Variants in ERC2 observed in about 807,000 individuals in gnomAD.
ERC2 encodes the protein ELKS/RAB6-interacting/CAST family member 2.
A neutral mutation model predicts 114.8 loss-of-function variants in ERC2; 42 were observed. The observed-to-expected ratio is 0.37, with a 90% CI of 0.29 to 0.47. The LOEUF (loss-of-function observed/expected upper bound fraction) is 0.47. Among genes scored for constraint, ERC2 ranks in the 20% least tolerant of loss-of-function variants. ERC2 has a pLI of 0.99. For synonymous variants in ERC2, 454 were observed against 425.5 expected (o/e 1.07, Z -0.82); for missense variants, 939 against 1,150.7 (o/e 0.82, Z 2.66).
intron 17 of ERC2, among the ~76,000 whole-genome samples, chr3:55,564,760 C>T (rs1230920341): frequency 6.6e-6 from 1 of 152,248 alleles, no homozygotes; most frequent in East Asian, 1.9e-4. Context: ...GACCCATCCC[C>T]ATTCGTGTGG....
At position 55,918,613 on chromosome 3, in the gene ERC2, T is replaced by C. The variant is rs143501732; in HGVS notation, c.2404-30064A>G. The stretch of plus-strand genomic sequence containing the variant: ...ATGATGCACTGTGTGCATTTCAGAG[T>C]CAAAGCCTTAAAAGGCCTTGAAGCT... On this transcript the variant is annotated intron_variant, in intron 13 of 17. Transcript: ENST00000288221. 4.0e-3 allele frequency among the ~76,000 whole-genome samples: 601 copies of C among 151,414 alleles called. 3 individuals are homozygous for C. Among genetic ancestry groups the C allele is most frequent in the African/African-American group, 0.014 (568 of 41,216 alleles).
chr3:55,929,731 G>A (rs182199777), intron 13 of ERC2, among the ~76,000 whole-genome samples: 1 of 152,302 alleles, frequency 6.6e-6, no homozygotes, highest in Non-Finnish European at 1.5e-5. Context: ...CCCCCTTGCT[G>A]TTCTTGTGAT....
rs868725061 is a variant in ERC2, at chr3:55,720,200, T to C, written c.2712+14571A>G. Among the ~76,000 whole-genome samples, 46 of 9,414 alleles carry C rather than the reference T, an allele frequency of 4.9e-3. 21 individuals are homozygous for C. The highest frequency in any genetic ancestry group is 7.6e-3 in the Non-Finnish European group (36 of 4,764). 6.2% of individuals were successfully genotyped at this position (9,414 alleles called of 152,430 possible). On this transcript the variant is annotated intron_variant, in intron 15 of 17. Coordinates refer to ENST00000288221, the MANE Select transcript of ERC2 (RefSeq NM_015576.3). ...CTTCTTCTTCTTCTTCTTCTTCTTCTTCTTCTTCTTCTTCTTCTTCTTCTT... is the reference window on the plus strand; with the variant it reads ...CTTCTTCTTCTTCTTCTTCTTCTTCCTCTTCTTCTTCTTCTTCTTCTTCTT...
rs2059296330 is a variant in ERC2 at position 56,369,837 on chromosome 3, C to T, written c.657+64514G>A. On this transcript the variant is annotated intron_variant, in intron 2 of 17. Transcript: ENST00000288221. ...GACTACAGGTGCACGCCATCACGCC[C>T]GGCTAATTTTTGTATTTTTAGTAGA... Among the ~76,000 whole-genome samples the T allele has an allele frequency of 1.3e-5, 2 of 152,126 alleles. 1 individual carries two copies. Among genetic ancestry groups the T allele is most frequent in the South Asian group, 4.2e-4 (2 of 4,816 alleles).
At chr3:56,092,913 T>C (rs1278835475) in intron 6 of ERC2, among the ~76,000 whole-genome samples, 2 of 152,234 alleles carry the variant, frequency 1.3e-5, no homozygotes, top group African/African-American at 4.8e-5. Context: ...CCCGCTTAGA[T>C]ATGCCATGAA....
chr3:56,311,643 T>G (rs2056587388), intron 2 of ERC2, among the ~76,000 whole-genome samples: 2 of 152,038 alleles, frequency 1.3e-5, no homozygotes, highest in Non-Finnish European at 2.9e-5. Flanking sequence ...TATTATTCTC[T>G]AGCAATTTTG....
intron 3 of ERC2, among the ~76,000 whole-genome samples, chr3:56,255,342 T>G (rs1420141658): frequency 6.6e-6 from 1 of 152,224 alleles, no homozygotes. Flanking sequence ...TGAGTCCTTC[T>G]CATCCCCATC....
At chr3:56,333,289 A>G (rs1399283925) in intron 2 of ERC2, among the ~76,000 whole-genome samples, 1 of 152,218 alleles carries the variant, frequency 6.6e-6, no homozygotes, top group Non-Finnish European at 1.5e-5. Flanking sequence ...CACTCCTAGA[A>G]CCCAAGGAAA....
intron 17 of ERC2, among the ~76,000 whole-genome samples, chr3:55,596,296 G>C (rs1335405396): frequency 6.6e-6 from 1 of 152,224 alleles, no homozygotes; most frequent in East Asian, 1.9e-4. Context: ...TTAAAAGACA[G>C]AGATGCTGGG....
chr3:56,391,761 T>C (rs1172242695), intron 2 of ERC2, among the ~76,000 whole-genome samples: 1 of 152,092 alleles, frequency 6.6e-6, no homozygotes, highest in African/African-American at 2.4e-5. Flanking sequence ...ACTAATGCGA[T>C]TATGGGGAAC....
At chr3:55,697,274 G>A (rs142881889) in intron 16 of ERC2, among the ~76,000 whole-genome samples, 243 of 152,286 alleles carry the variant, frequency 1.6e-3, no homozygotes, top group African/African-American at 5.5e-3. Context: ...TGGAGAAGGC[G>A]ATGAGGTTAA....
At chr3:56,035,014 G>C (rs186780970) in intron 7 of ERC2, among the ~76,000 whole-genome samples, 30 of 151,522 alleles carry the variant, frequency 2.0e-4, no homozygotes, top group Non-Finnish European at 3.2e-4. Flanking sequence ...AAAAACAACC[G>C]AAAGAACAAA....
At chr3:55,784,244 T>C (rs1371243749) in intron 14 of ERC2, among the ~76,000 whole-genome samples, 1 of 152,166 alleles carries the variant, frequency 6.6e-6, no homozygotes, top group Non-Finnish European at 1.5e-5. Flanking sequence ...TTTTTTCCCC[T>C]ATACCTCCAC....
chr3:55,620,690 G>T (rs986485070), intron 17 of ERC2, among the ~76,000 whole-genome samples: 1 of 152,080 alleles, frequency 6.6e-6, no homozygotes, highest in African/African-American at 2.4e-5. Context: ...GGCTTTTACC[G>T]ACTCTGAAAC....
In ERC2 at chr3:56,119,673, G is replaced by A. The variant is rs117034084; in HGVS notation, c.1473+19836C>T. ...GAGCCATCTCTGGTTTATTCACTGT[G>A]GCATCCCCAATGTCTAACCCAGTGT... On this transcript the variant is annotated intron_variant, in intron 6 of 17. Coordinates refer to ENST00000288221, the MANE Select transcript of ERC2 (RefSeq NM_015576.3). Among the ~76,000 whole-genome samples, 34 of 152,258 alleles carry A rather than the reference G, an allele frequency of 2.2e-4. No homozygotes were observed. The East Asian group carries it at 5.2e-3, about 23-fold the overall frequency.
chr3:55,836,695 C>A (rs2060903143), intron 14 of ERC2, among the ~76,000 whole-genome samples: 1 of 151,998 alleles, frequency 6.6e-6, no homozygotes. Context: ...TAGGCGTGGG[C>A]AAGGACTTCA....
chr3:55,666,392 A>T (rs2061358174), intron 17 of ERC2, among the ~76,000 whole-genome samples: 1 of 152,140 alleles, frequency 6.6e-6, no homozygotes, highest in Admixed American at 6.5e-5. Context: ...TTCAATGTTC[A>T]CTTCCCTTCC....
chr3:55,854,106 C>T (rs1410055582), intron 14 of ERC2, among the ~76,000 whole-genome samples: 2 of 152,086 alleles, frequency 1.3e-5, no homozygotes, highest in Non-Finnish European at 2.9e-5. Flanking sequence ...AAAAACCCGT[C>T]GCTACTAAAA....
intron 7 of ERC2, among the ~76,000 whole-genome samples, chr3:56,028,786 G>C (rs925981759): frequency 6.6e-5 from 10 of 151,940 alleles, no homozygotes; most frequent in Non-Finnish European, 1.2e-4. Flanking sequence ...CTTCAAAAAA[G>C]GATGACACTT....
Sources: gnomAD v4.1 joint callset for allele counts (sites outside exome capture counted in the v4.1 genomes callset) on GRCh38, gnomAD v4.1.1 for gene constraint, MANE v1.5 for transcripts, NCBI Gene and HGNC (gene_info 2026-07-23, HGNC 2026-07-21) for gene names.